RPH3A: variants seen among roughly 807,000 people sequenced by gnomAD.
RPH3A encodes rabphilin 3A.
In RPH3A, 48 loss-of-function variants were observed where a neutral mutation model predicts 102.2. The observed-to-expected ratio is 0.47, with a 90% CI of 0.37 to 0.60. The LOEUF (loss-of-function observed/expected upper bound fraction) is 0.60, where lower values mean the gene tolerates loss of function less well. Ranked by LOEUF, RPH3A falls within the 20% of genes least tolerant of loss-of-function variation. The pLI, the probability that RPH3A is intolerant of heterozygous loss-of-function variation, is 0.00. For missense variants in RPH3A, 781 were observed against 910.1 expected (o/e 0.86, Z 1.83); for synonymous variants, 310 against 324.3 (o/e 0.96, Z 0.47).
At chr12:112,665,378 C>A (rs1157778657) in intron 1 of RPH3A, among the ~76,000 whole-genome samples, 1 of 152,172 alleles carries the variant, frequency 6.6e-6, no homozygotes, top group Non-Finnish European at 1.5e-5. Context: ...CTTAGTGTGT[C>A]AGAAGGGCCA....
chr12:112,796,295 A>G (rs1164500545), intron 2 of RPH3A, among the ~76,000 whole-genome samples: 3 of 152,076 alleles, frequency 2.0e-5, no homozygotes, highest in Non-Finnish European at 4.4e-5. Context: ...TGAGCCGTGT[A>G]TTTTCTCTAG....
At chr12:112,748,959 C>T (rs931011292) in intron 1 of RPH3A, among the ~76,000 whole-genome samples, 3 of 152,014 alleles carry the variant, frequency 2.0e-5, no homozygotes, top group Non-Finnish European at 4.4e-5. Context: ...CTTTTGGTCT[C>T]TCTTGAAAAA....
intron 17 of RPH3A, among the ~76,000 whole-genome samples, chr12:112,889,317 T>G (rs1445169432): frequency 6.6e-6 from 1 of 152,242 alleles, no homozygotes; most frequent in Non-Finnish European, 1.5e-5. Flanking sequence ...CCCTTGCCTG[T>G]GTCATCAGCC....
intron 1 of RPH3A, among the ~76,000 whole-genome samples, chr12:112,628,445 A>G (rs1727330082): frequency 6.6e-6 from 1 of 151,568 alleles, no homozygotes; most frequent in African/African-American, 2.4e-5. Flanking sequence ...TGTCCCTCTG[A>G]TTAAGAAGGG....
intron 1 of RPH3A, among the ~76,000 whole-genome samples, chr12:112,737,166 A>C (rs2040675532): frequency 6.6e-6 from 1 of 151,442 alleles, no homozygotes; most frequent in Admixed American, 6.6e-5. Context: ...AAAAAAAAAA[A>C]AACAAAATAA....
intron 1 of RPH3A, among the ~76,000 whole-genome samples, chr12:112,694,041 G>A (rs2040327388): frequency 6.6e-6 from 1 of 152,192 alleles, no homozygotes; most frequent in Non-Finnish European, 1.5e-5. Context: ...TCCTCTTGAA[G>A]CTGAAAGTGT....
intron 3 of RPH3A, among the ~76,000 whole-genome samples, chr12:112,828,970 A>G (rs1055876213): frequency 1.3e-5 from 2 of 152,184 alleles, no homozygotes; most frequent in Non-Finnish European, 2.9e-5. Context: ...GTAGCAGCTC[A>G]TATATTTAGA....
chr12:112,721,120 C>A (rs1253483846), intron 1 of RPH3A, among the ~76,000 whole-genome samples: 1 of 152,178 alleles, frequency 6.6e-6, no homozygotes, highest in Non-Finnish European at 1.5e-5. Context: ...TGCATGTAAG[C>A]TACCTAGCAT....
intron 1 of RPH3A, among the ~76,000 whole-genome samples, chr12:112,708,991 G>T (rs1202303569): frequency 1.3e-5 from 2 of 152,124 alleles, no homozygotes; most frequent in African/African-American, 4.8e-5. Context: ...GAAATAAACA[G>T]CAATTATATA....
intron 1 of RPH3A, among the ~76,000 whole-genome samples, chr12:112,584,258 T>C (rs74969842): frequency 7.1e-6 from 1 of 141,844 alleles, no homozygotes; most frequent in Non-Finnish European, 1.5e-5. Context: ...CACAAAAGAA[T>C]AGAGTTAAGA....
chr12:112,770,536 G>A (rs1157382416), intron 1 of RPH3A, among the ~76,000 whole-genome samples: 4 of 152,066 alleles, frequency 2.6e-5, no homozygotes, highest in South Asian at 2.1e-4. Flanking sequence ...TAGAAATGAG[G>A]TTTTGCCTTG....
intron 1 of RPH3A, among the ~76,000 whole-genome samples, chr12:112,766,503 T>G (rs917541106): frequency 6.6e-6 from 1 of 151,692 alleles, no homozygotes; most frequent in African/African-American, 2.4e-5. Flanking sequence ...GCAGGGGGAA[T>G]AGAGAAAAGG....
At chr12:112,587,298 A>G (rs567827298) in intron 1 of RPH3A, among the ~76,000 whole-genome samples, 8 of 152,366 alleles carry the variant, frequency 5.3e-5, no homozygotes, top group African/African-American at 1.9e-4. Flanking sequence ...TCTTTAGGAT[A>G]TAGCTAGTGC....
intron 1 of RPH3A, among the ~76,000 whole-genome samples, chr12:112,734,798 A>G (rs2040657105): frequency 6.6e-6 from 1 of 152,166 alleles, no homozygotes; most frequent in Non-Finnish European, 1.5e-5. Context: ...CACTGGTGGG[A>G]GTGTCTCTTA....
intron 1 of RPH3A, among the ~76,000 whole-genome samples, chr12:112,730,563 A>G (rs4767000): frequency 0.61 from 93,195 of 152,036 alleles, 28,941 homozygotes; most frequent in East Asian, 0.78. Flanking sequence ...AGGCCAGCGC[A>G]TCCAGCATCT....
chr12:112,884,569 G>A (rs1332202552), intron 16 of RPH3A, among the ~76,000 whole-genome samples: 1 of 152,152 alleles, frequency 6.6e-6, no homozygotes, highest in Non-Finnish European at 1.5e-5. Context: ...AAACAAAGTT[G>A]CAATGAGCAA....
At chr12:112,841,308 G>T (rs554486213) in intron 4 of RPH3A, among the ~76,000 whole-genome samples, 2 of 152,090 alleles carry the variant, frequency 1.3e-5, no homozygotes, top group African/African-American at 4.8e-5. Flanking sequence ...GATGAGGGGG[G>T]CAGGGGGTCT....
At chr12:112,864,789 C>T (rs935498673) in intron 5 of RPH3A, among the ~76,000 whole-genome samples, 2 of 152,190 alleles carry the variant, frequency 1.3e-5, no homozygotes, top group African/African-American at 4.8e-5. Flanking sequence ...CTACCCTTTC[C>T]TTAAACTGTC....
At chr12:112,764,634 T>C (rs1445845253) in intron 1 of RPH3A, among the ~76,000 whole-genome samples, 2 of 152,198 alleles carry the variant, frequency 1.3e-5, no homozygotes, top group African/African-American at 4.8e-5. Context: ...TTTTTATTTA[T>C]TTCATCTACC....
Sources: allele counts gnomAD v4.1 joint callset (sites outside exome capture counted in the v4.1 genomes callset), GRCh38; gene constraint gnomAD v4.1.1; transcripts MANE v1.5; gene names NCBI Gene and HGNC (gene_info 2026-07-23, HGNC 2026-07-21).